DOCK4: variants seen among roughly 807,000 people sequenced by gnomAD.
DOCK4 encodes the protein dedicator of cytokinesis protein 4.
Under a neutral mutation model 268.1 loss-of-function variants are expected in DOCK4, and 97 were observed. That is an observed-to-expected ratio of 0.36 (90% CI 0.31 to 0.43). The LOEUF (loss-of-function observed/expected upper bound fraction) is 0.43. Ranked by LOEUF, DOCK4 falls within the 20% of genes least tolerant of loss-of-function variation. The probability of loss-of-function intolerance (pLI) is 1.00; values close to 1 mark genes in which losing one functional copy is unlikely to be tolerated. For missense variants in DOCK4, 2,145 were observed against 2,455.7 expected (o/e 0.87, Z 2.67); for synonymous variants, 954 against 887.2 (o/e 1.08, Z -1.34).
At chr7:112,016,199 T>A (rs971346247) in intron 1 of DOCK4, among the ~76,000 whole-genome samples, 4 of 152,272 alleles carry the variant, frequency 2.6e-5, no homozygotes, top group African/African-American at 7.2e-5. Context: ...TCTTCCCATA[T>A]TGGACTGTTT....
chr7:111,761,619 C>T (rs1797411976), intron 39 of DOCK4, among the ~76,000 whole-genome samples: 1 of 152,092 alleles, frequency 6.6e-6, no homozygotes, highest in Admixed American at 6.5e-5. Context: ...TTATGTAAAA[C>T]GCCGTAAAGA....
intron 1 of DOCK4, among the ~76,000 whole-genome samples, chr7:112,018,296 TA>T (rs1219598281): frequency 6.6e-6 from 1 of 151,930 alleles, no homozygotes; most frequent in Non-Finnish European, 1.5e-5. Context: ...TGACTATTTT[TA>T]AAATGAAAAG....
At chr7:111,984,455 G>T (rs539177656) in intron 6 of DOCK4, 65 bp from the exon 7 acceptor site, 2 of 1,413,846 alleles carry the variant, frequency 1.4e-6, no homozygotes, top group African/African-American at 1.4e-5. Flanking sequence ...AAAAACAATT[G>T]GTTTTTTACT....
At chr7:111,795,519 G>C (rs1799832008) in intron 30 of DOCK4, among the ~76,000 whole-genome samples, 2 of 152,164 alleles carry the variant, frequency 1.3e-5, no homozygotes, top group Admixed American at 6.5e-5. Context: ...ACAGAACAAA[G>C]GAGAGCTGGG....
chr7:112,123,832 A>T (rs1214894826), intron 1 of DOCK4, among the ~76,000 whole-genome samples: 1 of 152,178 alleles, frequency 6.6e-6, no homozygotes, highest in Non-Finnish European at 1.5e-5. Context: ...TGCTTTAAAA[A>T]CTAAAGAATA....
chr7:111,951,195 A>C (rs1218874116), intron 8 of DOCK4, among the ~76,000 whole-genome samples: 1 of 152,248 alleles, frequency 6.6e-6, no homozygotes, highest in Non-Finnish European at 1.5e-5. Flanking sequence ...AAATCAGGAT[A>C]ATGAAATAAG....
intron 13 of DOCK4, among the ~76,000 whole-genome samples, chr7:111,912,486 AC>A (rs1162735141): frequency 6.6e-6 from 1 of 152,144 alleles, no homozygotes; most frequent in Non-Finnish European, 1.5e-5. Flanking sequence ...ACTTAAAAAA[AC>A]TCATTTCTTG....
chr7:111,831,701 G>A (rs1447080461), intron 26 of DOCK4, among the ~76,000 whole-genome samples: 1 of 151,962 alleles, frequency 6.6e-6, no homozygotes, highest in African/African-American at 2.4e-5. Context: ...TGCCCAGGCT[G>A]GTCTCTAACT....
Position 111,846,185 on chromosome 7 carries a change from T to C in DOCK4, c.2601+814A>G, listed in dbSNP as rs117932917. ...TCAGAAGCTGATCGTAAGTGACAAA[T>C]TGGGGAAACTGTAGCATAAAGGTAA... On this transcript the variant is annotated intron_variant, in intron 24 of 52. Transcript: ENST00000428084. Among the ~76,000 whole-genome samples, 975 of 152,232 alleles carry C rather than the reference T, an allele frequency of 6.4e-3. 6 individuals carry two copies. The Middle Eastern group carries it at 0.065, about 10-fold the overall frequency.
rs573696094 is a variant in DOCK4 at position 112,021,049 on chromosome 7, T to C, written c.38-16918A>G. Among the ~76,000 whole-genome samples, 36 of 152,336 alleles carry C rather than the reference T, an allele frequency of 2.4e-4. 1 individual carries two copies. Among genetic ancestry groups the C allele is most frequent in the African/African-American group, 8.4e-4 (35 of 41,580 alleles). On this transcript the variant is annotated intron_variant, in intron 1 of 52. Transcript: ENST00000428084. ...GAGGATGGGAGATGGCCCATTATCATGTCCAGCCATGCTGGGGGACGAACA... is the reference window on the plus strand; with the variant it reads ...GAGGATGGGAGATGGCCCATTATCACGTCCAGCCATGCTGGGGGACGAACA...
At chr7:111,937,660 G>A (rs1794852805) in intron 11 of DOCK4, among the ~76,000 whole-genome samples, 1 of 152,162 alleles carries the variant, frequency 6.6e-6, no homozygotes, top group African/African-American at 2.4e-5. Context: ...GTGTTTGTGA[G>A]GAATTTCAGT....
At chr7:111,978,057 T>G (rs114019814) in intron 7 of DOCK4, among the ~76,000 whole-genome samples, 1 of 152,266 alleles carries the variant, frequency 6.6e-6, no homozygotes, top group African/African-American at 2.4e-5. Context: ...TCATCCAACA[T>G]ACATTCAAGT....
chr7:112,026,271 T>C (rs542096594), intron 1 of DOCK4, among the ~76,000 whole-genome samples: 37 of 152,324 alleles, frequency 2.4e-4, no homozygotes, highest in South Asian at 1.2e-3. Context: ...AGCAGCGGCA[T>C]TGGATTCATA....
At chr7:111,987,175 A>G (rs1799115399) in intron 6 of DOCK4, among the ~76,000 whole-genome samples, 2 of 152,214 alleles carry the variant, frequency 1.3e-5, no homozygotes, top group African/African-American at 4.8e-5. Context: ...TCATGCATCA[A>G]TGTTTTACCA....
chr7:111,878,985 T>G (rs1263463363), intron 16 of DOCK4, among the ~76,000 whole-genome samples: 1 of 151,958 alleles, frequency 6.6e-6, no homozygotes, highest in Non-Finnish European at 1.5e-5. Flanking sequence ...GGGAGACACC[T>G]GCTGGGGTGA....
Position 111,737,004 on chromosome 7 carries a change from G to A in DOCK4, c.5233-15C>T. ...AACAGCATCCTCTGCAAAGTTACAA[G>A]GGTTGATTTTTATGATGTGATATAC... On this transcript the variant is annotated splice_polypyrimidine_tract_variant and intron_variant, in intron 49 of 52. Transcript: ENST00000428084. 1 of 1,597,222 alleles carries A rather than the reference G, an allele frequency of 6.3e-7. No individual in the cohort carries two copies. Among genetic ancestry groups the A allele is most frequent in the Non-Finnish European group, 8.5e-7 (1 of 1,171,400 alleles).
At chr7:111,840,114 T>C (rs1003432616) in intron 25 of DOCK4, among the ~76,000 whole-genome samples, 2 of 152,216 alleles carry the variant, frequency 1.3e-5, no homozygotes, top group Admixed American at 6.5e-5. Flanking sequence ...CCATTTTATG[T>C]ATAGATTGAG....
At chr7:112,128,475 AG>A (rs879391726) in intron 1 of DOCK4, among the ~76,000 whole-genome samples, 2 of 152,338 alleles carry the variant, frequency 1.3e-5, no homozygotes, top group Non-Finnish European at 2.9e-5. Context: ...TGGAATAGAA[AG>A]GGGGGAAAGG....
chr7:112,033,680 C>T (rs539157159), intron 1 of DOCK4, among the ~76,000 whole-genome samples: 29 of 152,222 alleles, frequency 1.9e-4, no homozygotes, highest in African/African-American at 5.8e-4. Flanking sequence ...AAAACAGTTC[C>T]GCTAAGGAAA....
Sources: allele counts gnomAD v4.1 joint callset (sites outside exome capture counted in the v4.1 genomes callset), GRCh38; gene constraint gnomAD v4.1.1; transcripts MANE v1.5; gene names NCBI Gene and HGNC (gene_info 2026-07-23, HGNC 2026-07-21).